Variants in PDCD10 observed in about 807,000 individuals in gnomAD.
PDCD10 encodes the protein programmed cell death 10.
In PDCD10, 4 loss-of-function variants were observed where a neutral mutation model predicts 29.2. The ratio of observed to expected loss-of-function variants is 0.14; its 90% CI spans 0.07 to 0.31. PDCD10 has a LOEUF of 0.31. PDCD10 is among the 10% of genes least tolerant of loss of function. The probability of loss-of-function intolerance (pLI) is 1.00; values close to 1 mark genes in which losing one functional copy is unlikely to be tolerated. For missense variants in PDCD10, 183 were observed against 257.9 expected (o/e 0.71, Z 1.99); for synonymous variants, 70 against 82.2 (o/e 0.85, Z 0.80).
chr3:167,727,395 A>T (rs755708467), intron 2 of PDCD10, among the ~76,000 whole-genome samples: 3 of 152,150 alleles, frequency 2.0e-5, no homozygotes, highest in Non-Finnish European at 4.4e-5. Context: ...TTTTTGGTAA[A>T]TTCTGATCTG....
chr3:167,687,282 T>A lies in PDCD10; in HGVS notation c.509A>T (p.Tyr170Phe). ...CAGAGTATCACTGAAACTTTTGGAG[T>A]ACTTTACAAATTCTTTCTTTTGGTG... ...LEHQKKEFVK[Y>F]SKSFSDTLKT... Residue 170 changes from tyrosine (Y) to phenylalanine (F), a missense_variant, in exon 8 of 9, where the codon TAC becomes TTC. Physicochemically the swap from Tyr to Phe is conservative, Grantham distance 22. Coordinates refer to ENST00000392750, the MANE Select transcript of PDCD10 (RefSeq NM_007217.4). 1 of 1,591,000 alleles carries A rather than the reference T, an allele frequency of 6.3e-7. No individual in the cohort carries two copies. The highest frequency in any genetic ancestry group is 8.6e-7 in the Non-Finnish European group (1 of 1,159,468).
chr3:167,690,105 G>A (rs753072318), intron 6 of PDCD10, among the ~76,000 whole-genome samples: 1 of 152,202 alleles, frequency 6.6e-6, no homozygotes, highest in Non-Finnish European at 1.5e-5. Context: ...ATGCGGCTTG[G>A]TGCAGATGAA....
intron 6 of PDCD10, among the ~76,000 whole-genome samples, chr3:167,692,843 G>A (rs775997636): frequency 5.9e-5 from 9 of 152,228 alleles, no homozygotes; most frequent in Non-Finnish European, 1.0e-4. Context: ...GCATGAACCC[G>A]GGAGGCAGAG....
At chr3:167,684,485 A>G (rs910945915) in intron 8 of PDCD10, 96 bp from the exon 9 acceptor site, 5 of 442,304 alleles carry the variant, frequency 1.1e-5, no homozygotes, top group Non-Finnish European at 1.7e-5. Flanking sequence ...TCAATTTTAG[A>G]AAAAAAAAAA....
chr3:167,720,247 A>G lies in PDCD10; in HGVS notation c.-90T>C. On this transcript the variant is annotated 5_prime_UTR_variant, in exon 3 of 9. Transcript: ENST00000392750. The stretch of plus-strand genomic sequence containing the variant: ...ATTTCTTCTCTTTTTTGGTGATAAA[A>G]GAATTGGACACAAAAAACACACTGA... 1 of 849,882 alleles carries G rather than the reference A, an allele frequency of 1.2e-6. No individual in the cohort carries two copies. 52.6% of individuals were successfully genotyped at this position (849,882 alleles called of 1,614,324 possible). A position where few individuals can be genotyped will look rare whatever the true frequency, so the allele number is the denominator to read the frequency against.
At chr3:167,695,245 G>A (rs1285641971) in intron 6 of PDCD10, among the ~76,000 whole-genome samples, 1 of 152,164 alleles carries the variant, frequency 6.6e-6, no homozygotes, top group Non-Finnish European at 1.5e-5. Flanking sequence ...CTTAATGACT[G>A]CTGCTATTTC....
chr3:167,701,399 T>C (rs1295381322), intron 4 of PDCD10, among the ~76,000 whole-genome samples: 2 of 152,218 alleles, frequency 1.3e-5, no homozygotes, highest in Non-Finnish European at 2.9e-5. Flanking sequence ...GGTCTTCCTA[T>C]GTTGCCTAGG....
At chr3:167,692,108 G>C (rs916751885) in intron 6 of PDCD10, among the ~76,000 whole-genome samples, 2 of 152,076 alleles carry the variant, frequency 1.3e-5, no homozygotes, top group African/African-American at 4.8e-5. Context: ...ACAAGTACAC[G>C]ATTATCAAAG....
chr3:167,687,938 C>A (rs893390725), intron 6 of PDCD10, among the ~76,000 whole-genome samples: 6 of 152,142 alleles, frequency 3.9e-5, no homozygotes, highest in African/African-American at 1.4e-4. Flanking sequence ...AGGTTGCCAA[C>A]CAAGACCAAC....
chr3:167,730,254 C>A (rs1724663925), intron 2 of PDCD10, among the ~76,000 whole-genome samples: 1 of 152,038 alleles, frequency 6.6e-6, no homozygotes, highest in Non-Finnish European at 1.5e-5. Flanking sequence ...TCTAACACTG[C>A]AGCTTACTAT....
At chr3:167,731,042 T>A (rs1724749007) in intron 2 of PDCD10, 1 of 152,100 alleles carries the variant, frequency 6.6e-6, no homozygotes, top group East Asian at 1.9e-4. Flanking sequence ...CGGAGATAGA[T>A]CCAGATTCTA....
At position 167,720,163 on chromosome 3, in the gene PDCD10, A is replaced by C. The variant is rs1438783263; in HGVS notation, c.-6T>G. On this transcript the variant is annotated 5_prime_UTR_variant, in exon 3 of 9. Transcript: ENST00000392750. ...TCTTCCATTGTCATCCTCATTCAAA[A>C]GCCAACTACAGTTGAAAAAGCAGTG... 1.3e-6 allele frequency: 2 copies of C among 1,587,678 alleles called. No individual in the cohort carries two copies. Among genetic ancestry groups the C allele is most frequent in the South Asian group, 1.1e-5 (1 of 90,538 alleles).
At chr3:167,722,045 T>C (rs1723621302) in intron 2 of PDCD10, among the ~76,000 whole-genome samples, 1 of 151,874 alleles carries the variant, frequency 6.6e-6, no homozygotes, top group Admixed American at 6.6e-5. Flanking sequence ...TCAAAATAAA[T>C]TGGGAAAACT....
intron 3 of PDCD10, among the ~76,000 whole-genome samples, chr3:167,711,185 C>T (rs764210520): frequency 1.3e-5 from 2 of 152,114 alleles, no homozygotes; most frequent in Non-Finnish European, 2.9e-5. Flanking sequence ...AAATAAGGCA[C>T]CAGGGACCAA....
rs761965824 is a variant in PDCD10, at chr3:167,714,016, T to C, written c.96+6046A>G. ...ACCCTACTCAAACTATTCCGAAAAATAGAGGAGGCGGGAATACTTCCAAAC... is the reference window on the plus strand; with the variant it reads ...ACCCTACTCAAACTATTCCGAAAAACAGAGGAGGCGGGAATACTTCCAAAC... On this transcript the variant is annotated intron_variant, in intron 3 of 8. Transcript: ENST00000392750. Among the ~76,000 whole-genome samples, 11 of 151,866 alleles carry C rather than the reference T, an allele frequency of 7.2e-5. No homozygotes were observed. In the East Asian group the frequency reaches 1.2e-3, roughly 16 times the overall value.
At chr3:167,704,935 C>T in intron 3 of PDCD10, 40 bp from the exon 4 acceptor site, 1 of 1,314,666 alleles carries the variant, frequency 7.6e-7, no homozygotes, top group Non-Finnish European at 1.1e-6. Context: ...TATCAACTTT[C>T]TTGGAAAAAG....
At chr3:167,729,302 GGTT>G (rs2108508009) in intron 2 of PDCD10, among the ~76,000 whole-genome samples, 1 of 152,262 alleles carries the variant, frequency 6.6e-6, no homozygotes, top group East Asian at 1.9e-4. Flanking sequence ...TTTCCTAATA[GGTT>G]TTTTAAAAAG....
At chr3:167,710,442 T>C (rs1357961997) in intron 3 of PDCD10, among the ~76,000 whole-genome samples, 1 of 152,106 alleles carries the variant, frequency 6.6e-6, no homozygotes, top group African/African-American at 2.4e-5. Flanking sequence ...CATGTGCCAG[T>C]GACCACAGAG....
At chr3:167,702,636 C>G (rs1342079006) in intron 4 of PDCD10, among the ~76,000 whole-genome samples, 1 of 152,128 alleles carries the variant, frequency 6.6e-6, no homozygotes, top group Admixed American at 6.5e-5. Context: ...TTGGGAAAAA[C>G]TATTTTAATC....
Sources: allele counts gnomAD v4.1 joint callset (sites outside exome capture counted in the v4.1 genomes callset), GRCh38; gene constraint gnomAD v4.1.1; transcripts MANE v1.5; gene names NCBI Gene and HGNC (gene_info 2026-07-23, HGNC 2026-07-21).